CAPN7: variants seen among roughly 807,000 people sequenced by gnomAD.
CAPN7 encodes the protein calpain-7.
A neutral mutation model predicts 115.2 loss-of-function variants in CAPN7; 72 were observed. The observed-to-expected ratio is 0.63, with a 90% confidence interval of 0.52 to 0.76. The LOEUF (loss-of-function observed/expected upper bound fraction) is 0.76, where lower values mean the gene tolerates loss of function less well. Among genes scored for constraint, CAPN7 ranks in the 30% least tolerant of loss-of-function variants. CAPN7 has a pLI of 0.00. For synonymous variants in CAPN7, 344 were observed against 322.3 expected, an observed-to-expected ratio of 1.07 and a Z score of -0.72; for missense variants, 905 against 971.5, an observed-to-expected ratio of 0.93 and a Z score of 0.91.
rs772165641 is a variant in CAPN7, at chr3:15,229,042, TAAG to T, written c.925_927del (p.Lys309del). On this transcript the variant is annotated inframe_deletion, in exon 8 of 21. Coordinates refer to ENST00000253693, the MANE Select transcript of CAPN7 (RefSeq NM_014296.3). ...GTGCAGCTTATGAAAGACGTTTTAATAAGAAGTTAATTACCGGGTAAAAATGTG... is the reference window on the plus strand; with the variant it reads ...GTGCAGCTTATGAAAGACGTTTTAATAAGTTAATTACCGGGTAAAAATGTG... The T allele has an allele frequency of 1.1e-5, 17 of 1,612,960 alleles. No individual in the cohort carries two copies. The highest frequency in any genetic ancestry group is 3.3e-5 in the Admixed American group (2 of 59,988).
chr3:15,218,449 G>A (rs1693770815), intron 3 of CAPN7, 24 bp from the exon 4 acceptor site: 2 of 1,551,972 alleles, frequency 1.3e-6, no homozygotes, highest in Non-Finnish European at 1.8e-6. Flanking sequence ...GCTTTAAAAT[G>A]TCTGTCTCTT....
Position 15,214,286 on chromosome 3 carries a change from T to C in CAPN7, c.211+2074T>C, listed in dbSNP as rs754489711. 3.9e-5 allele frequency among the ~76,000 whole-genome samples: 6 copies of C among 152,092 alleles called. No individual in the cohort carries two copies. In the South Asian group the frequency reaches 1.2e-3, roughly 31 times the overall value. ...TAGACAATTTAAAGGATTTTCTTAT[T>C]TATTATTTTAAGCAGAAAAGTCCTT... On this transcript the variant is annotated intron_variant, in intron 2 of 20. Transcript: ENST00000253693.
rs540599296 is a variant in CAPN7, at chr3:15,217,513, A to G, written c.300A>G (p.Glu100=). ...TCCTTGTTACACAAGCTTTTGATGA[A>G]GATGAAAAAGAGAATGTTGAAGATG... ...AHFLVTQAFD[E]DEKENVEDAI... is the part of the protein sequence containing the mutation. Residue 100 remains glutamate (E), a synonymous_variant, in exon 3 of 21, where the codon GAA becomes GAG. Transcript: ENST00000253693. The G allele has an allele frequency of 6.2e-7, 1 of 1,613,782 alleles. No individual in the cohort carries two copies. Among genetic ancestry groups the G allele is most frequent in the South Asian group, 1.1e-5 (1 of 91,072 alleles).
chr3:15,208,931 C>CT (rs1341909843), intron 1 of CAPN7, among the ~76,000 whole-genome samples: 3 of 152,062 alleles, frequency 2.0e-5, no homozygotes, highest in South Asian at 2.1e-4. Context: ...AATAGTAGTA[C>CT]TTTTTTTCAC....
At chr3:15,246,373 G>A (rs1695659221) in intron 17 of CAPN7, 1 of 195,226 alleles carries the variant, frequency 5.1e-6, no homozygotes, top group East Asian at 1.4e-4. Context: ...AGCTGGGAAG[G>A]TCATTGTAAT....
intron 5 of CAPN7, 195 bp downstream of exon 5, chr3:15,221,176 A>G (rs929229551): frequency 7.0e-6 from 3 of 430,876 alleles, no homozygotes; most frequent in African/African-American, 6.2e-5. Flanking sequence ...ATTTTATTTT[A>G]TTATTTTCAT....
intron 8 of CAPN7, among the ~76,000 whole-genome samples, chr3:15,229,508 A>G (rs1694537651): frequency 6.6e-6 from 1 of 151,564 alleles, no homozygotes; most frequent in South Asian, 2.1e-4. Flanking sequence ...ATTATATGTT[A>G]AAATCATATT....
At position 15,232,552 on chromosome 3, in the gene CAPN7, A is replaced by G; in HGVS notation, c.1066A>G (p.Lys356Glu). Residue 356 changes from lysine to glutamate, a missense_variant, in exon 10 of 21, where the codon AAG becomes GAG. By Grantham distance (56) the Lys-to-Glu change is moderately conservative. Around this residue, in one of 3 missense-constraint regions of CAPN7, gnomAD observed 620 missense variants for 703.4 expected, o/e 0.88. Transcript: ENST00000253693. Reference sequence around the variant, plus strand: ...TGATGACCAGTTACCTGTTGATCACAAGGGAGAATTGCTCTGTTCTTATTC... The same window carrying G: ...TGATGACCAGTTACCTGTTGATCACGAGGGAGAATTGCTCTGTTCTTATTC... The part of the protein sequence containing the change: ...IIDDQLPVDH[K>E]GELLCSYSNN... The G allele has an allele frequency of 6.2e-7, 1 of 1,611,790 alleles. No homozygotes were observed. Among genetic ancestry groups the G allele is most frequent in the East Asian group, 2.2e-5 (1 of 44,682 alleles).
intron 4 of CAPN7, among the ~76,000 whole-genome samples, chr3:15,219,380 C>T (rs1023252926): frequency 6.6e-6 from 1 of 152,170 alleles, no homozygotes; most frequent in Non-Finnish European, 1.5e-5. Context: ...GATAACTGTA[C>T]CACCCCAAGC....
intron 17 of CAPN7, 61 bp from the exon 18 acceptor site, chr3:15,246,671 G>C (rs916388020): frequency 1.8e-5 from 21 of 1,152,562 alleles, no homozygotes; most frequent in Non-Finnish European, 2.7e-5. Flanking sequence ...ATATATTCAT[G>C]TATCACTTTG....
At chr3:15,230,776 C>T (rs908966648) in intron 9 of CAPN7, among the ~76,000 whole-genome samples, 3 of 152,082 alleles carry the variant, frequency 2.0e-5, no homozygotes, top group Non-Finnish European at 2.9e-5. Context: ...CAAAAAGTAA[C>T]GTTCAACTAA....
At chr3:15,250,417 C>T (rs1695936740) in intron 19 of CAPN7, among the ~76,000 whole-genome samples, 1 of 152,042 alleles carries the variant, frequency 6.6e-6, no homozygotes, top group Non-Finnish European at 1.5e-5. Context: ...ACCTGTAATC[C>T]CAGCACTTTG....
intron 3 of CAPN7, among the ~76,000 whole-genome samples, chr3:15,217,992 T>C (rs1693739949): frequency 6.6e-6 from 1 of 152,224 alleles, no homozygotes. Context: ...TACTGCTCCC[T>C]GCTGAGCCTT....
chr3:15,250,467 G>A (rs1011848518), intron 19 of CAPN7, among the ~76,000 whole-genome samples: 3 of 152,022 alleles, frequency 2.0e-5, no homozygotes, highest in Admixed American at 6.5e-5. Flanking sequence ...TCAAGAGTTC[G>A]AGACCAGCCT....
intron 6 of CAPN7, among the ~76,000 whole-genome samples, chr3:15,227,631 A>T (rs1356679942): frequency 6.6e-6 from 1 of 151,990 alleles, no homozygotes; most frequent in Admixed American, 6.6e-5. Context: ...TTCTGTTTTC[A>T]ATTATTTAGG....
intron 16 of CAPN7, among the ~76,000 whole-genome samples, chr3:15,244,133 G>C (rs1444911571): frequency 6.6e-6 from 1 of 152,116 alleles, no homozygotes; most frequent in Non-Finnish European, 1.5e-5. Context: ...GGGCAGTGAT[G>C]GGAAGATGTG....
chr3:15,247,462 G>T lies in CAPN7; in HGVS notation c.2204+5G>T, dbSNP rs1472136322. ...GATTGAGCTACGAGGACCAAGGTTT[G>T]TGATGAGTAACTTTCTTAAATTAAT... On this transcript the variant is annotated splice_donor_5th_base_variant and intron_variant, in intron 19 of 20. Coordinates refer to ENST00000253693, the MANE Select transcript of CAPN7 (RefSeq NM_014296.3). 4 of 1,581,030 alleles carry T rather than the reference G, an allele frequency of 2.5e-6. No individual in the cohort carries two copies. Among genetic ancestry groups the T allele is most frequent in the Non-Finnish European group, 3.4e-6 (4 of 1,169,028 alleles).
chr3:15,230,354 G>A, intron 8 of CAPN7, 88 bp from the exon 9 acceptor site: 1 of 752,468 alleles, frequency 1.3e-6, no homozygotes, highest in Non-Finnish European at 2.2e-6. Context: ...TGCCAAGACG[G>A]TAGTATATAC....
At position 15,240,493 on chromosome 3, in the gene CAPN7, G is replaced by GA. The variant is rs764172404; in HGVS notation, c.1433dup (p.Asn478LysfsTer14). On this transcript the variant is annotated frameshift_variant, in exon 13 of 21. Transcript: ENST00000253693. LOFTEE classifies it high-confidence loss of function. ...TATAGGGGCTGCGATTTATCCAGTT[G>GA]AAAAATCCTTGGAGTCATTTACGTT... The GA allele has an allele frequency of 2.5e-6, 4 of 1,611,056 alleles. No individual in the cohort carries two copies. In the South Asian group the frequency reaches 4.4e-5, roughly 18 times the overall value.
Sources: allele counts gnomAD v4.1 joint callset (sites outside exome capture counted in the v4.1 genomes callset), GRCh38; gene constraint gnomAD v4.1.1; regional missense constraint gnomAD v4.1.1; transcripts MANE v1.5; gene names NCBI Gene and HGNC (gene_info 2026-07-23, HGNC 2026-07-21).